Variants in CADPS2 observed in about 807,000 individuals in gnomAD.
CADPS2 encodes the protein calcium-dependent secretion activator 2.
A neutral mutation model predicts 172.5 loss-of-function variants in CADPS2; 93 were observed. The ratio of observed to expected loss-of-function variants is 0.54; its 90% confidence interval spans 0.46 to 0.64. CADPS2 has a LOEUF of 0.64. Ranked by LOEUF, CADPS2 falls within the 30% of genes least tolerant of loss-of-function variation. CADPS2 has a pLI of 0.00. For missense variants in CADPS2, 1,420 were observed against 1,565.9 expected (o/e 0.91, Z 1.57); for synonymous variants, 546 against 555.2 (o/e 0.98, Z 0.23).
intron 3 of CADPS2, among the ~76,000 whole-genome samples, chr7:122,645,479 ATATT>A (rs2078348807): frequency 9.1e-6 from 1 of 110,168 alleles, no homozygotes; most frequent in Admixed American, 1.1e-4. Flanking sequence ...ATATGTATAT[ATATT>A]TAGCGTATAT....
chr7:122,676,827 T>C (rs1301354551), intron 2 of CADPS2: 1 of 627,438 alleles, frequency 1.6e-6, no homozygotes, highest in Admixed American at 2.8e-5. Flanking sequence ...CTGTAAGTGC[T>C]TGGTGACAGT....
At chr7:122,657,189 C>T (rs2079909942) in intron 3 of CADPS2, among the ~76,000 whole-genome samples, 1 of 152,126 alleles carries the variant, frequency 6.6e-6, no homozygotes, top group Non-Finnish European at 1.5e-5. Flanking sequence ...GGTACCAGTA[C>T]CATGCTGTTT....
chr7:122,675,878 C>T (rs1371701157), intron 2 of CADPS2, among the ~76,000 whole-genome samples: 1 of 151,984 alleles, frequency 6.6e-6, no homozygotes, highest in African/African-American at 2.4e-5. Context: ...GCACACAGGG[C>T]TTAAAATTTA....
chr7:122,732,602 T>C (rs1034753826), intron 2 of CADPS2, among the ~76,000 whole-genome samples: 2 of 147,638 alleles, frequency 1.4e-5, no homozygotes, highest in African/African-American at 2.5e-5. Flanking sequence ...TAGATCTTTT[T>C]GGGTATTTCT....
At chr7:122,548,988 G>A (rs1184870421) in intron 8 of CADPS2, among the ~76,000 whole-genome samples, 1 of 152,002 alleles carries the variant, frequency 6.6e-6, no homozygotes. Context: ...GACCTAATAG[G>A]GATATAACTG....
chr7:122,860,098 G>A (rs777244212), intron 1 of CADPS2, among the ~76,000 whole-genome samples: 30 of 151,804 alleles, frequency 2.0e-4, no homozygotes, highest in Admixed American at 9.2e-4. Context: ...TCAAGGAGCT[G>A]CCTCACCCCA....
chr7:122,346,938 T>A (rs574719760), intron 27 of CADPS2, among the ~76,000 whole-genome samples: 1 of 152,292 alleles, frequency 6.6e-6, no homozygotes, highest in South Asian at 2.1e-4. Flanking sequence ...GATTAGAGTA[T>A]GACATTAATA....
chr7:122,673,974 C>A (rs116620769), intron 2 of CADPS2, among the ~76,000 whole-genome samples: 9,392 of 151,358 alleles, frequency 0.062, 397 homozygotes, highest in African/African-American at 0.097. Context: ...CAACCCTGAG[C>A]GGGGAGGCGG....
At chr7:122,782,796 T>C (rs1312429365) in intron 1 of CADPS2, among the ~76,000 whole-genome samples, 1 of 152,218 alleles carries the variant, frequency 6.6e-6, no homozygotes, top group Non-Finnish European at 1.5e-5. Flanking sequence ...TTTAATATTT[T>C]AGCTGATATG....
At chr7:122,347,657 A>G (rs2151000004) in intron 27 of CADPS2, among the ~76,000 whole-genome samples, 1 of 152,266 alleles carries the variant, frequency 6.6e-6, no homozygotes, top group African/African-American at 2.4e-5. Context: ...TCATTCCTTC[A>G]CTATTTCAAT....
chr7:122,541,698 TATATATTCATATATTTAC>T (rs1356197064), intron 8 of CADPS2, among the ~76,000 whole-genome samples: 7 of 145,872 alleles, frequency 4.8e-5, no homozygotes, highest in African/African-American at 1.2e-4. Flanking sequence ...CATATATGTT[TATATATTCATATATTTAC>T]ATATATTCAT....
intron 1 of CADPS2, among the ~76,000 whole-genome samples, chr7:122,760,533 T>C (rs918149100): frequency 1.3e-5 from 2 of 151,900 alleles, no homozygotes; most frequent in Non-Finnish European, 2.9e-5. Flanking sequence ...AACCTGATAA[T>C]GTAGAGAGTT....
At chr7:122,683,582 TA>T (rs554299590) in intron 2 of CADPS2, among the ~76,000 whole-genome samples, 98 of 152,316 alleles carry the variant, frequency 6.4e-4, no homozygotes, top group African/African-American at 2.2e-3. Context: ...TTTCTCAACA[TA>T]TTTTTTTTAA....
chr7:122,726,857 A>T (rs1398607750), intron 2 of CADPS2, among the ~76,000 whole-genome samples: 1 of 151,930 alleles, frequency 6.6e-6, no homozygotes, highest in African/African-American at 2.4e-5. Flanking sequence ...TCAAAGAAAC[A>T]TTACTTAACC....
intron 4 of CADPS2, among the ~76,000 whole-genome samples, chr7:122,627,563 A>G (rs2076199606): frequency 6.6e-6 from 1 of 152,166 alleles, no homozygotes; most frequent in Non-Finnish European, 1.5e-5. Context: ...GACTCAGCCC[A>G]GGAGTTTATG....
intron 4 of CADPS2, among the ~76,000 whole-genome samples, chr7:122,625,137 G>A (rs181034905): frequency 9.9e-5 from 15 of 151,704 alleles, no homozygotes; most frequent in Admixed American, 5.9e-4. Context: ...CACAACCTCC[G>A]CCTCCCAGTT....
rs376136201 is a variant in CADPS2 at position 122,705,745 on chromosome 7, A to G, written c.453+31210T>C. Among the ~76,000 whole-genome samples the G allele has an allele frequency of 3.3e-4, 3 of 9,084 alleles. 1 individual carries two copies. The highest frequency in any genetic ancestry group is 0.025 in the East Asian group (2 of 80). 6.0% of individuals were successfully genotyped at this position (9,084 alleles called of 152,430 possible). On this transcript the variant is annotated intron_variant, in intron 2 of 29. Coordinates refer to ENST00000449022, the MANE Select transcript of CADPS2 (RefSeq NM_017954.11). The stretch of plus-strand genomic sequence containing the variant: ...ATATATCATATATTATATAATATAT[A>G]ATATATATAATATATAATATATGAT...
chr7:122,766,506 G>C (rs922859130), intron 1 of CADPS2, among the ~76,000 whole-genome samples: 1 of 152,022 alleles, frequency 6.6e-6, no homozygotes, highest in African/African-American at 2.4e-5. Context: ...CTGTTACCCA[G>C]CCCTAAAAAC....
chr7:122,866,496 T>A lies in CADPS2; in HGVS notation c.339+19503A>T, dbSNP rs1166116914. On this transcript the variant is annotated intron_variant, in intron 1 of 29. Transcript: ENST00000449022. ...TGGGTGGATCACCTGAGGTCAGGAGTTCCAGATCAGCCTAGCCAACATGGT... is the reference window on the plus strand; with the variant it reads ...TGGGTGGATCACCTGAGGTCAGGAGATCCAGATCAGCCTAGCCAACATGGT... Among the ~76,000 whole-genome samples, 9 of 152,064 alleles carry A rather than the reference T, an allele frequency of 5.9e-5. No individual in the cohort carries two copies. The East Asian group carries it at 9.7e-4, about 16-fold the overall frequency.
Sources: gnomAD v4.1 joint callset for allele counts (sites outside exome capture counted in the v4.1 genomes callset) on GRCh38, gnomAD v4.1.1 for gene constraint, MANE v1.5 for transcripts, NCBI Gene and HGNC (gene_info 2026-07-23, HGNC 2026-07-21) for gene names.